Variants in LRRC7 observed in about 807,000 individuals in gnomAD.
LRRC7 encodes the protein leucine rich repeat containing 7, also known as leucine-rich repeat-containing protein 7.
In LRRC7, 23 loss-of-function variants were observed where a neutral mutation model predicts 175.7. The observed-to-expected ratio is 0.13, with a 90% CI of 0.09 to 0.19. The LOEUF (loss-of-function observed/expected upper bound fraction) is 0.19, where lower values mean the gene tolerates loss of function less well. Among genes scored for constraint, LRRC7 ranks in the 10% least tolerant of loss-of-function variants. The probability of loss-of-function intolerance (pLI) is 1.00; values close to 1 mark genes in which losing one functional copy is unlikely to be tolerated. For missense variants in LRRC7, 1,354 were observed against 1,904.7 expected (o/e 0.71, Z 5.38); for synonymous variants, 685 against 680.9 (o/e 1.01, Z -0.09).
intron 3 of LRRC7, among the ~76,000 whole-genome samples, chr1:69,776,825 C>CTGTGTGGG (rs1282687594): frequency 1.3e-5 from 2 of 151,080 alleles, no homozygotes; most frequent in Non-Finnish European, 1.5e-5. Flanking sequence ...TGGTGTGGAT[C>CTGTGTGGG]TGTGTGGGTG....
intron 1 of LRRC7, among the ~76,000 whole-genome samples, chr1:69,627,457 A>G (rs111637066): frequency 0.13 from 19,543 of 152,086 alleles, 1,601 homozygotes; most frequent in South Asian, 0.19. Context: ...TAAGTTCTCT[A>G]TAGATTCTTG....
At chr1:69,750,339 A>G (rs1669729938) in intron 2 of LRRC7, among the ~76,000 whole-genome samples, 1 of 125,542 alleles carries the variant, frequency 8.0e-6, no homozygotes, top group South Asian at 2.6e-4. Context: ...TAACACAAAG[A>G]AATGATAAAT....
At chr1:69,982,967 T>G (rs181448994) in intron 9 of LRRC7, among the ~76,000 whole-genome samples, 269 of 152,218 alleles carry the variant, frequency 1.8e-3, no homozygotes, top group Admixed American at 6.4e-3. Flanking sequence ...AAATACTAAA[T>G]TACGCTGAAG....
intron 1 of LRRC7, among the ~76,000 whole-genome samples, chr1:69,586,711 T>C (rs953232746): frequency 2.0e-5 from 3 of 152,334 alleles, no homozygotes; most frequent in Admixed American, 2.0e-4. Context: ...TTTTGAAAAC[T>C]GAACTGTTGA....
At chr1:69,897,973 C>T (rs755058205) in intron 7 of LRRC7, among the ~76,000 whole-genome samples, 9 of 152,184 alleles carry the variant, frequency 5.9e-5, no homozygotes, top group Admixed American at 2.0e-4. Context: ...TAGATTATAG[C>T]GGGCACAATG....
At position 69,978,176 on chromosome 1, in the gene LRRC7, G is replaced by A. The variant is rs116388520; in HGVS notation, c.712-2203G>A. Among the ~76,000 whole-genome samples, 1,340 of 152,188 alleles carry A rather than the reference G, an allele frequency of 8.8e-3. 17 individuals carry two copies. Among genetic ancestry groups the A allele is most frequent in the African/African-American group, 0.03 (1,226 of 41,518 alleles). On this transcript the variant is annotated intron_variant, in intron 8 of 26. Transcript: ENST00000651989. ...AGCCAGGCGTGGTGGCCTGTGCCTC[G>A]GGAGGCCGAGGCAGGAGAATGGCTT...
In LRRC7 at chr1:69,781,883, AAG is replaced by A. The variant is rs572907889; in HGVS notation, c.304-10159_304-10158del. Reference sequence around the variant, plus strand: ...AGAGAAGGAAGGAAGGAAGAAAGAAAAGGAAGGAAGGAAGGGAAAGAAAGAAA... The same window carrying A: ...AGAGAAGGAAGGAAGGAAGAAAGAAAGAAGGAAGGAAGGGAAAGAAAGAAA... On this transcript the variant is annotated intron_variant, in intron 3 of 26. Transcript: ENST00000651989. 5.6e-3 allele frequency among the ~76,000 whole-genome samples: 817 copies of A among 146,256 alleles called. 18 individuals are homozygous for A. The highest frequency in any genetic ancestry group is 8.0e-3 in the Non-Finnish European group (533 of 66,316).
chr1:69,728,101 C>T (rs1031531116), intron 2 of LRRC7, among the ~76,000 whole-genome samples: 1 of 151,978 alleles, frequency 6.6e-6, no homozygotes, highest in Non-Finnish European at 1.5e-5. Flanking sequence ...ATATATAGTA[C>T]CATAGATTTA....
At chr1:69,833,105 C>A (rs201904135) in intron 5 of LRRC7, among the ~76,000 whole-genome samples, 8 of 143,268 alleles carry the variant, frequency 5.6e-5, no homozygotes, top group Admixed American at 6.9e-5. Flanking sequence ...AACTCTATTT[C>A]AAAAAAAAAA....
chr1:69,754,616 G>T (rs1670204153), intron 2 of LRRC7, among the ~76,000 whole-genome samples: 1 of 152,010 alleles, frequency 6.6e-6, no homozygotes, highest in Non-Finnish European at 1.5e-5. Flanking sequence ...TTTTACAGAT[G>T]AGGAAACTGA....
intron 25 of LRRC7, among the ~76,000 whole-genome samples, chr1:70,105,391 T>TA (rs1425788055): frequency 6.6e-6 from 1 of 151,944 alleles, no homozygotes; most frequent in Non-Finnish European, 1.5e-5. Context: ...TGTAGAAAAA[T>TA]AAGAAAACAC....
chr1:69,771,150 A>T (rs562128255), intron 3 of LRRC7, among the ~76,000 whole-genome samples: 2 of 152,104 alleles, frequency 1.3e-5, no homozygotes, highest in Non-Finnish European at 2.9e-5. Context: ...CTTTTTTTCC[A>T]TATATGTTCT....
chr1:70,028,661 A>G (rs1024672184), intron 18 of LRRC7, among the ~76,000 whole-genome samples: 8 of 152,160 alleles, frequency 5.3e-5, no homozygotes, highest in East Asian at 1.9e-4. Context: ...TATTAGTGAC[A>G]TTATTTTGGC....
intron 2 of LRRC7, among the ~76,000 whole-genome samples, chr1:69,753,966 T>G (rs1670128411): frequency 6.6e-6 from 1 of 151,962 alleles, no homozygotes; most frequent in Admixed American, 6.6e-5. Flanking sequence ...TAGCCATAGA[T>G]CTGAAGGCTC....
chr1:69,681,142 A>T (rs1419577031), intron 2 of LRRC7, among the ~76,000 whole-genome samples: 4 of 152,146 alleles, frequency 2.6e-5, no homozygotes, highest in Non-Finnish European at 4.4e-5. Flanking sequence ...TCTTGCAGCA[A>T]TGTTAGATGG....
At chr1:70,046,451 T>C (rs1439981963) in intron 22 of LRRC7, among the ~76,000 whole-genome samples, 1 of 152,026 alleles carries the variant, frequency 6.6e-6, no homozygotes, top group African/African-American at 2.4e-5. Context: ...TCAAGAATCA[T>C]TCAAGTATTG....
intron 7 of LRRC7, among the ~76,000 whole-genome samples, chr1:69,915,994 T>C (rs1306709962): frequency 6.9e-6 from 1 of 144,050 alleles, no homozygotes; most frequent in Non-Finnish European, 1.5e-5. Context: ...CCCAGGTAGT[T>C]TGAGTCCAGG....
Position 69,792,147 on chromosome 1 carries a change from C to A in LRRC7, c.408C>A (p.Asp136Glu). ...IASLVNLKEL[D>E]ISKNGVQEFP... ...GTTTAGTTAATCTTAAAGAACTCGA[C>A]ATCAGTAAAAATGGTAAGATTTTTC... The change falls in exon 4 of 27, where the codon GAC (aspartate) becomes GAA (glutamate). Residue 136 changes from aspartate to glutamate, a missense_variant. By Grantham distance (45) the Asp-to-Glu change is conservative. Around this residue, in one of 4 missense-constraint regions of LRRC7, gnomAD observed 201 missense variants for 481.4 expected, o/e 0.42. Coordinates refer to ENST00000651989, the MANE Select transcript of LRRC7 (RefSeq NM_001370785.2). The A allele has an allele frequency of 6.3e-7, 1 of 1,583,874 alleles. No homozygotes were observed. The highest frequency in any genetic ancestry group is 8.6e-7 in the Non-Finnish European group (1 of 1,157,242).
At position 70,135,090 on chromosome 1, in the gene LRRC7, T is replaced by A. The variant is rs573482011; in HGVS notation, c.*13203T>A. Among the ~76,000 whole-genome samples the A allele has an allele frequency of 1.3e-5, 2 of 152,348 alleles. No individual in the cohort carries two copies. Among genetic ancestry groups the A allele is most frequent in the African/African-American group, 4.8e-5 (2 of 41,580 alleles). On this transcript the variant is annotated 3_prime_UTR_variant, in exon 27 of 27. Transcript: ENST00000651989. ...CGTCTTGAAAGTTTGTATGTATGTA[T>A]TCCAGTTGCGCTTTTTATTTCTTTT... is the stretch of plus-strand genomic sequence containing the variant.
Sources: allele counts gnomAD v4.1 joint callset (sites outside exome capture counted in the v4.1 genomes callset), GRCh38; gene constraint gnomAD v4.1.1; regional missense constraint gnomAD v4.1.1; transcripts MANE v1.5; gene names NCBI Gene and HGNC (gene_info 2026-07-23, HGNC 2026-07-21).